The following MAP4 variants were observed in gnomAD, a reference collection of about 807,000 sequenced individuals.
MAP4 encodes microtubule associated protein 4.
MAP4 carries 76 observed loss-of-function variants against 170.2 expected under a neutral mutation model. The observed-to-expected ratio is 0.45, with a 90% CI of 0.37 to 0.54. MAP4 has a LOEUF of 0.54. MAP4 is among the 20% of genes least tolerant of loss of function. The probability of loss-of-function intolerance (pLI) is 0.00; values close to 1 mark genes in which losing one functional copy is unlikely to be tolerated. For missense variants in MAP4, 2,506 were observed against 2,748.0 expected (o/e 0.91, Z 1.97); for synonymous variants, 909 against 994.5 (o/e 0.91, Z 1.62).
intron 1 of MAP4, among the ~76,000 whole-genome samples, chr3:48,034,422 G>C (rs1417160736): frequency 6.6e-6 from 1 of 152,074 alleles, no homozygotes; most frequent in Non-Finnish European, 1.5e-5. Context: ...TCACTTAGGG[G>C]CCCAGCACAG....
intron 1 of MAP4, among the ~76,000 whole-genome samples, chr3:48,067,605 TA>T (rs2100138940): frequency 6.6e-6 from 1 of 151,824 alleles, no homozygotes; most frequent in Admixed American, 6.6e-5. Context: ...ACCTCCCCGT[TA>T]CTGTCTCAAA....
At chr3:47,864,128 C>T (rs963920053) in intron 17 of MAP4, among the ~76,000 whole-genome samples, 3 of 152,138 alleles carry the variant, frequency 2.0e-5, no homozygotes, top group African/African-American at 7.2e-5. Flanking sequence ...CAGGCACATG[C>T]CACCTAATGC....
intron 2 of MAP4, among the ~76,000 whole-genome samples, chr3:47,979,880 A>G (rs1425255327): frequency 1.3e-5 from 2 of 152,134 alleles, no homozygotes; most frequent in African/African-American, 4.8e-5. Context: ...GCTGGAGTGC[A>G]GTAGTGCAAT....
chr3:47,967,022 G>A (rs2100075524), intron 3 of MAP4, among the ~76,000 whole-genome samples: 1 of 152,146 alleles, frequency 6.6e-6, no homozygotes, highest in Non-Finnish European at 1.5e-5. Context: ...CAGATTTTGA[G>A]GAAAAAATAT....
intron 17 of MAP4, among the ~76,000 whole-genome samples, chr3:47,858,614 T>TGTGTGTGCGC (rs1491506129): frequency 3.6e-5 from 5 of 138,510 alleles, no homozygotes; most frequent in African/African-American, 1.4e-4. Flanking sequence ...TGTGTGTGTG[T>TGTGTGTGCGC]GCGCGTTGTG....
chr3:47,880,465 GTTT>G (rs3079393), intron 10 of MAP4, among the ~76,000 whole-genome samples: 1 of 106,080 alleles, frequency 9.4e-6, no homozygotes, highest in Middle Eastern at 5.2e-3. Context: ...TCCAATTTCA[GTTT>G]TTTTTTTTTT....
intron 16 of MAP4, among the ~76,000 whole-genome samples, chr3:47,867,557 C>T (rs1268403680): frequency 1.3e-5 from 2 of 151,988 alleles, no homozygotes; most frequent in African/African-American, 2.4e-5. Context: ...AACACAACGA[C>T]AGGAGCAGAG....
chr3:48,056,160 A>G (rs1291829911), intron 1 of MAP4, among the ~76,000 whole-genome samples: 6 of 102,038 alleles, frequency 5.9e-5, no homozygotes, highest in Admixed American at 9.5e-5. Flanking sequence ...TCCGGGAGGG[A>G]GGTGGGGGGT....
intron 1 of MAP4, among the ~76,000 whole-genome samples, chr3:48,074,725 T>TGTGTGTGTGTGAGA (rs756153345): frequency 1.4e-5 from 2 of 147,336 alleles, no homozygotes; most frequent in African/African-American, 2.5e-5. Flanking sequence ...TGTGTGTGTG[T>TGTGTGTGTGTGAGA]GATATGTCGG....
intron 12 of MAP4, among the ~76,000 whole-genome samples, chr3:47,872,460 G>A (rs2093699514): frequency 6.6e-6 from 1 of 152,184 alleles, no homozygotes; most frequent in Non-Finnish European, 1.5e-5. Context: ...TGGGATTACA[G>A]GCATGAGCCA....
chr3:48,074,314 G>T (rs1394153501), intron 1 of MAP4, among the ~76,000 whole-genome samples: 1 of 106,488 alleles, frequency 9.4e-6, no homozygotes, highest in Non-Finnish European at 1.8e-5. Flanking sequence ...GTCATGGGGT[G>T]GGGGGAGGGG....
intron 3 of MAP4, among the ~76,000 whole-genome samples, chr3:47,950,696 A>G (rs976159952): frequency 1.3e-5 from 2 of 152,224 alleles, no homozygotes; most frequent in African/African-American, 4.8e-5. Context: ...AAGCTTTTCA[A>G]GTAGATGAGA....
At chr3:48,007,880 C>T (rs953331196) in intron 1 of MAP4, among the ~76,000 whole-genome samples, 1 of 152,050 alleles carries the variant, frequency 6.6e-6, no homozygotes, top group Non-Finnish European at 1.5e-5. Context: ...ACCATGTTGG[C>T]CAGGATGGTC....
At chr3:47,955,960 T>C (rs568647233) in intron 3 of MAP4, among the ~76,000 whole-genome samples, 2 of 152,310 alleles carry the variant, frequency 1.3e-5, no homozygotes, top group African/African-American at 4.8e-5. Context: ...TTCTAGAATT[T>C]TGAGAAAATC....
rs949918932 is a variant in MAP4, at chr3:48,016,024, C to G, written c.-20+310G>C. 2.0e-5 allele frequency among the ~76,000 whole-genome samples: 3 copies of G among 152,214 alleles called. No individual in the cohort carries two copies. The South Asian group carries it at 6.2e-4, about 31-fold the overall frequency. ...GTGCTATTACAAACTGATGGAATTTCCAGGCTTGACAGGGTTCTGTTCGTA... is the reference window on the plus strand; with the variant it reads ...GTGCTATTACAAACTGATGGAATTTGCAGGCTTGACAGGGTTCTGTTCGTA... On this transcript the variant is annotated intron_variant, in intron 1 of 20. Coordinates refer to ENST00000683076, the MANE Select transcript of MAP4 (RefSeq NM_001385682.1).
chr3:48,069,400 C>T (rs569699198), intron 1 of MAP4, among the ~76,000 whole-genome samples: 4 of 152,304 alleles, frequency 2.6e-5, no homozygotes, highest in African/African-American at 9.6e-5. Flanking sequence ...TGCCCCAGAC[C>T]TCACAGTTAT....
At chr3:48,087,526 C>T (rs1159434299) in intron 1 of MAP4, among the ~76,000 whole-genome samples, 14 of 152,096 alleles carry the variant, frequency 9.2e-5, no homozygotes, top group Non-Finnish European at 1.5e-4. Context: ...GCCAAGCTGA[C>T]GGCACCCTGC....
rs773088931 is a variant in MAP4, at chr3:47,916,901, G to T, written c.926C>A (p.Pro309His). The T allele has an allele frequency of 6.0e-5, 97 of 1,613,988 alleles. No homozygotes were observed. The highest frequency in any genetic ancestry group is 7.5e-5 in the Non-Finnish European group (89 of 1,180,024). The change falls in exon 7 of 21, where the codon CCC becomes CAC. Residue 309 changes from proline (P) to histidine (H), a missense_variant. Coordinates refer to ENST00000683076, the MANE Select transcript of MAP4 (RefSeq NM_001385682.1). ...AACCAGGGCCACTTCTTTTTCTGTG[G>T]GTAGTTCCATGTCCTTGACTAGGGC... ...DMALVKDMEL[P>H]TEKEVALVKD...
chr3:48,043,554 T>C (rs1017766469), intron 1 of MAP4, among the ~76,000 whole-genome samples: 2 of 152,254 alleles, frequency 1.3e-5, no homozygotes, highest in Non-Finnish European at 2.9e-5. Context: ...CTTTTTGCAT[T>C]ACTTTTAGAA....
Sources: allele counts gnomAD v4.1 joint callset (sites outside exome capture counted in the v4.1 genomes callset), GRCh38; gene constraint gnomAD v4.1.1; transcripts MANE v1.5; gene names NCBI Gene and HGNC (gene_info 2026-07-23, HGNC 2026-07-21).